Variants in CHST11 observed in about 807,000 individuals in gnomAD.
The protein encoded by CHST11 is C4S-1.
A neutral mutation model predicts 30.4 loss-of-function variants in CHST11; 9 were observed. The observed-to-expected ratio is 0.30, with a 90% confidence interval of 0.18 to 0.52. The LOEUF is 0.52. Ranked by LOEUF, CHST11 falls within the 20% of genes least tolerant of loss-of-function variation. The pLI is 0.97. For missense variants in CHST11, 348 were observed against 460.6 expected, an observed-to-expected ratio of 0.76 and a Z score of 2.24; for synonymous variants, 152 against 187.8, an observed-to-expected ratio of 0.81 and a Z score of 1.56.
intron 1 of CHST11, among the ~76,000 whole-genome samples, chr12:104,556,615 C>T (rs918517524): frequency 6.6e-6 from 1 of 152,240 alleles, no homozygotes; most frequent in African/African-American, 2.4e-5. Flanking sequence ...CCTCTATCCT[C>T]ACCTGACATT....
chr12:104,705,350 T>C (rs191206344), intron 2 of CHST11, among the ~76,000 whole-genome samples: 1 of 152,294 alleles, frequency 6.6e-6, no homozygotes, highest in African/African-American at 2.4e-5. Context: ...AGAATGGGAA[T>C]GATAGTAACC....
chr12:104,555,004 A>G (rs1036434167), intron 1 of CHST11, among the ~76,000 whole-genome samples: 1 of 152,194 alleles, frequency 6.6e-6, no homozygotes, highest in South Asian at 2.1e-4. Flanking sequence ...CAACTATTTC[A>G]TTCATTCACT....
chr12:104,637,431 A>G (rs950007344), intron 2 of CHST11, among the ~76,000 whole-genome samples: 3 of 151,802 alleles, frequency 2.0e-5, no homozygotes, highest in Non-Finnish European at 4.4e-5. Context: ...GCACATGTAT[A>G]CATATGTAAC....
intron 1 of CHST11, among the ~76,000 whole-genome samples, chr12:104,555,731 A>G (rs936610137): frequency 4.6e-5 from 7 of 152,242 alleles, no homozygotes; most frequent in African/African-American, 1.7e-4. Context: ...GTCCGGAAGC[A>G]TTAAAATTCA....
intron 1 of CHST11, among the ~76,000 whole-genome samples, chr12:104,519,636 G>A (rs2038057279): frequency 6.6e-6 from 1 of 152,182 alleles, no homozygotes; most frequent in African/African-American, 2.4e-5. Context: ...GCCTCCCAGC[G>A]AAGTGACCCC....
intron 2 of CHST11, among the ~76,000 whole-genome samples, chr12:104,661,091 C>G (rs2039594000): frequency 6.6e-6 from 1 of 152,168 alleles, no homozygotes; most frequent in South Asian, 2.1e-4. Context: ...CACCTGTGCC[C>G]AAATCCTGAC....
At chr12:104,553,403 A>G (rs2038423295) in intron 1 of CHST11, 1 of 152,242 alleles carries the variant, frequency 6.6e-6, no homozygotes, top group South Asian at 2.1e-4. Context: ...CTGATCTTAC[A>G]CTGCTATAAA....
chr12:104,533,900 G>A (rs11112094), intron 1 of CHST11, among the ~76,000 whole-genome samples: 56,739 of 152,052 alleles, frequency 0.37, 10,791 homozygotes, highest in Middle Eastern at 0.55. Context: ...AAAAATTTCC[G>A]TTGGATTGGG....
At position 104,457,154 on chromosome 12, in the gene CHST11, C is replaced by T; in HGVS notation, c.-258C>T. ...GGCGGGATCGGAGGAGGCGGCGGAGCGGCGAGGAGGAGGAGCAGGAGCGCG... is the reference window on the plus strand; with the variant it reads ...GGCGGGATCGGAGGAGGCGGCGGAGTGGCGAGGAGGAGGAGCAGGAGCGCG... On this transcript the variant is annotated 5_prime_UTR_variant, in exon 1 of 3. Coordinates refer to ENST00000303694, the MANE Select transcript of CHST11 (RefSeq NM_018413.6). The T allele has an allele frequency of 3.4e-6, 1 of 296,642 alleles. No homozygotes were observed. Among genetic ancestry groups the T allele is most frequent in the Non-Finnish European group, 6.2e-6 (1 of 161,174 alleles). 18.4% of individuals were successfully genotyped at this position (296,642 alleles called of 1,614,324 possible).
intron 2 of CHST11, among the ~76,000 whole-genome samples, chr12:104,658,700 A>T (rs1292724612): frequency 6.6e-6 from 1 of 152,100 alleles, no homozygotes; most frequent in African/African-American, 2.4e-5. Flanking sequence ...AGACTCTCTC[A>T]TCCAATAACC....
In CHST11 at chr12:104,760,891, G is replaced by T. The variant is rs2040519168; in HGVS notation, c.*3088G>T. ...CACTTGTGAAGTGTGCCTGGAAAAT[G>T]AAAGTTTGTGTTTTTTAAAGAGGAA... On this transcript the variant is annotated 3_prime_UTR_variant, in exon 3 of 3. Coordinates refer to ENST00000303694, the MANE Select transcript of CHST11 (RefSeq NM_018413.6). 6.6e-6 allele frequency: 1 copy of T among 152,220 alleles called. No homozygotes were observed. The highest frequency in any genetic ancestry group is 6.5e-5 in the Admixed American group (1 of 15,286). The allele number at this position is 152,220 out of a possible 1,614,324, so 9.4% of individuals were successfully genotyped here.
intron 1 of CHST11, among the ~76,000 whole-genome samples, chr12:104,493,823 G>T (rs2037773673): frequency 6.6e-6 from 1 of 152,160 alleles, no homozygotes; most frequent in Admixed American, 6.6e-5. Flanking sequence ...CAGCAGCAGG[G>T]TGTTCGGTTT....
intron 2 of CHST11, among the ~76,000 whole-genome samples, chr12:104,756,599 G>T (rs1322661655): frequency 6.7e-6 from 1 of 149,746 alleles, no homozygotes; most frequent in Non-Finnish European, 1.5e-5. Flanking sequence ...CCAAGCTAGA[G>T]CACAGTGGCA....
At chr12:104,670,619 A>G (rs1018569934) in intron 2 of CHST11, among the ~76,000 whole-genome samples, 2 of 149,288 alleles carry the variant, frequency 1.3e-5, no homozygotes, top group African/African-American at 5.0e-5. Flanking sequence ...ACATCCATAC[A>G]CACGCACTCA....
rs1371061360 is a variant in CHST11, at chr12:104,761,760, T to G, written c.*3957T>G. On this transcript the variant is annotated 3_prime_UTR_variant, in exon 3 of 3. Transcript: ENST00000303694. ...AGGAGCTGCCCATACTACTTTCTTA[T>G]GAGCATGCTCAGTATGGCATATGGA... is the stretch of plus-strand genomic sequence containing the variant. The G allele has an allele frequency of 6.6e-6, 1 of 152,256 alleles. No homozygotes were observed. The highest frequency in any genetic ancestry group is 6.5e-5 in the Admixed American group (1 of 15,284). The allele number at this position is 152,256 out of a possible 1,614,324, so 9.4% of individuals were successfully genotyped here.
rs1435930591 is a variant in CHST11, at chr12:104,760,568, G to A, written c.*2765G>A. 1 of 152,188 alleles carries A rather than the reference G, an allele frequency of 6.6e-6. No homozygotes were observed. Among genetic ancestry groups the A allele is most frequent in the African/African-American group, 2.4e-5 (1 of 41,438 alleles). The allele number at this position is 152,188 out of a possible 1,614,324, so 9.4% of individuals were successfully genotyped here. On this transcript the variant is annotated 3_prime_UTR_variant, in exon 3 of 3. Transcript: ENST00000303694. ...ATCGTTCACTGTGTGCTTTTTGGGG[G>A]GTTTTCAATGGAAATTCACGTTGCT...
At chr12:104,625,456 C>A (rs571188885) in intron 2 of CHST11, among the ~76,000 whole-genome samples, 2 of 152,298 alleles carry the variant, frequency 1.3e-5, no homozygotes, top group Admixed American at 1.3e-4. Flanking sequence ...ATGTGCCCAC[C>A]ACCATGCCTG....
chr12:104,638,991 A>G (rs578058709), intron 2 of CHST11, among the ~76,000 whole-genome samples: 12 of 152,304 alleles, frequency 7.9e-5, no homozygotes, highest in Middle Eastern at 3.4e-3. Flanking sequence ...TCTTTTAGAA[A>G]TGTCAGCTTG....
intron 2 of CHST11, among the ~76,000 whole-genome samples, chr12:104,697,667 T>C (rs1394094048): frequency 6.6e-6 from 1 of 152,184 alleles, no homozygotes; most frequent in Non-Finnish European, 1.5e-5. Flanking sequence ...GTTTTGTATT[T>C]CTTCCCAACT....
Sources: allele counts gnomAD v4.1 joint callset (sites outside exome capture counted in the v4.1 genomes callset), GRCh38; gene constraint gnomAD v4.1.1; transcripts MANE v1.5; gene names NCBI Gene and HGNC (gene_info 2026-07-23, HGNC 2026-07-21).